ADGRL3: variants seen among roughly 807,000 people sequenced by gnomAD.
The protein encoded by ADGRL3 is calcium-independent alpha-latrotoxin receptor 3.
In ADGRL3, 62 loss-of-function variants were observed where a neutral mutation model predicts 153.5. The observed-to-expected ratio is 0.40, with a 90% CI of 0.33 to 0.50. The LOEUF is 0.50. Among genes scored for constraint, ADGRL3 ranks in the 20% least tolerant of loss-of-function variants. The pLI is 0.47. For missense variants in ADGRL3, 1,641 were observed against 1,859.4 expected (o/e 0.88, Z 2.16); for synonymous variants, 710 against 672.5 (o/e 1.06, Z -0.86).
chr4:61,501,038 C>T (rs2098381593), intron 3 of ADGRL3, among the ~76,000 whole-genome samples: 1 of 152,130 alleles, frequency 6.6e-6, no homozygotes, highest in Non-Finnish European at 1.5e-5. Flanking sequence ...AAACATTGAC[C>T]ATCTGCCTCT....
intron 19 of ADGRL3, among the ~76,000 whole-genome samples, chr4:61,991,492 A>G (rs2099103465): frequency 6.6e-6 from 1 of 152,120 alleles, no homozygotes; most frequent in Admixed American, 6.6e-5. Context: ...ACTCTTTTAA[A>G]AAATATAACA....
At chr4:61,520,637 G>A (rs2098524166) in intron 4 of ADGRL3, among the ~76,000 whole-genome samples, 1 of 63,830 alleles carries the variant, frequency 1.6e-5, no homozygotes. Context: ...TAGATGAGGA[G>A]GCTTCTATAA....
At chr4:61,623,090 C>A (rs1449982149) in intron 5 of ADGRL3, among the ~76,000 whole-genome samples, 1 of 151,984 alleles carries the variant, frequency 6.6e-6, no homozygotes, top group Admixed American at 6.6e-5. Context: ...CCTTTATAAC[C>A]AAGCATTAAT....
chr4:61,336,822 A>G, intron 1 of ADGRL3, among the ~76,000 whole-genome samples: 1 of 150,600 alleles, frequency 6.6e-6, no homozygotes, highest in East Asian at 2.0e-4. Context: ...TGAGCAACAA[A>G]GGCATCCTTT....
At chr4:61,496,882 A>G (rs1319866875) in intron 2 of ADGRL3, among the ~76,000 whole-genome samples, 1 of 151,686 alleles carries the variant, frequency 6.6e-6, no homozygotes, top group Non-Finnish European at 1.5e-5. Flanking sequence ...CGGAGCTTGC[A>G]GTGAGCCGAG....
At chr4:61,402,114 C>T (rs2096936320) in intron 2 of ADGRL3, among the ~76,000 whole-genome samples, 1 of 152,144 alleles carries the variant, frequency 6.6e-6, no homozygotes, top group South Asian at 2.1e-4. Context: ...ATTTCTTCCT[C>T]TTTGACTTTC....
intron 6 of ADGRL3, among the ~76,000 whole-genome samples, chr4:61,699,381 A>G (rs2095706635): frequency 1.3e-5 from 2 of 152,150 alleles, no homozygotes; most frequent in African/African-American, 4.8e-5. Context: ...TTTTTCAGTA[A>G]TTACACATTA....
At chr4:61,924,916 T>G (rs1049519862) in intron 13 of ADGRL3, among the ~76,000 whole-genome samples, 2 of 152,196 alleles carry the variant, frequency 1.3e-5, no homozygotes, top group African/African-American at 4.8e-5. Context: ...GGTTTATTAT[T>G]TGCTTCCCTT....
intron 9 of ADGRL3, among the ~76,000 whole-genome samples, chr4:61,818,205 A>G (rs2097710046): frequency 1.3e-5 from 2 of 152,192 alleles, no homozygotes; most frequent in Non-Finnish European, 2.9e-5. Flanking sequence ...AGATAAGTAC[A>G]GCCATTCCAA....
chr4:61,795,311 T>C (rs1217788534), intron 8 of ADGRL3, among the ~76,000 whole-genome samples: 1 of 152,132 alleles, frequency 6.6e-6, no homozygotes, highest in African/African-American at 2.4e-5. Flanking sequence ...TTTTTGTGTG[T>C]AGAGGCAGGG....
chr4:61,508,992 A>C (rs2098447425), intron 3 of ADGRL3, among the ~76,000 whole-genome samples: 1 of 152,166 alleles, frequency 6.6e-6, no homozygotes, highest in Admixed American at 6.5e-5. Flanking sequence ...CACTATTATA[A>C]GAACAGTGTG....
chr4:61,473,195 C>T (rs1439473184), intron 2 of ADGRL3, among the ~76,000 whole-genome samples: 2 of 91,036 alleles, frequency 2.2e-5, no homozygotes, highest in African/African-American at 7.8e-5. Context: ...AAAAAAACAC[C>T]TATTTGTATG....
At chr4:61,702,059 C>G (rs772604039) in intron 6 of ADGRL3, among the ~76,000 whole-genome samples, 9 of 152,060 alleles carry the variant, frequency 5.9e-5, no homozygotes, top group Non-Finnish European at 1.3e-4. Flanking sequence ...GTTAGAATTA[C>G]TGAGGAAGGG....
intron 9 of ADGRL3, among the ~76,000 whole-genome samples, chr4:61,866,646 A>C (rs752340057): frequency 6.6e-6 from 1 of 152,148 alleles, no homozygotes; most frequent in Non-Finnish European, 1.5e-5. Flanking sequence ...AAATGCCTCT[A>C]AGCTTTCCAA....
chr4:61,329,312 A>G (rs1371887496), intron 1 of ADGRL3, among the ~76,000 whole-genome samples: 1 of 152,198 alleles, frequency 6.6e-6, no homozygotes, highest in East Asian at 1.9e-4. Context: ...CTTCAACAGT[A>G]TTGTATTATT....
In ADGRL3 at chr4:61,755,381, AT is replaced by A. The variant is rs1352129147; in HGVS notation, c.1399+21833del. Among the ~76,000 whole-genome samples, 3 of 152,166 alleles carry A rather than the reference AT, an allele frequency of 2.0e-5. No individual in the cohort carries two copies. The South Asian group carries it at 6.2e-4, about 32-fold the overall frequency. ...TCTCTGATGGCCAGTGATGATGAGC[AT>A]TTTTTCATGTGTCTTTCGGCTACAT... On this transcript the variant is annotated intron_variant, in intron 8 of 26. Coordinates refer to ENST00000683033, the MANE Select transcript of ADGRL3 (RefSeq NM_001387552.1).
intron 1 of ADGRL3, among the ~76,000 whole-genome samples, chr4:61,372,481 A>C (rs1167017710): frequency 2.0e-5 from 3 of 151,970 alleles, no homozygotes; most frequent in Non-Finnish European, 4.4e-5. Context: ...CTGTTGGAGT[A>C]CCCTGCAGTG....
At position 61,675,643 on chromosome 4, in the gene ADGRL3, T is replaced by TTTTATTTATTTATTTATTTATTTA. The variant is rs71213003; in HGVS notation, c.474-1175_474-1152dup. Among the ~76,000 whole-genome samples the TTTTATTTATTTATTTATTTATTTA allele has an allele frequency of 3.6e-3, 502 of 139,788 alleles. 4 individuals carry two copies. Among genetic ancestry groups the TTTTATTTATTTATTTATTTATTTA allele is most frequent in the East Asian group, 5.7e-3 (27 of 4,740 alleles). The allele number at this position is 139,788 out of a possible 152,430, so 91.7% of individuals were successfully genotyped here. On this transcript the variant is annotated intron_variant, in intron 5 of 26. Coordinates refer to ENST00000683033, the MANE Select transcript of ADGRL3 (RefSeq NM_001387552.1). ...TTTTTTTTTCCTATGGCTTAGAAAG[T>TTTTATTTATTTATTTATTTATTTA]TTTATTTATTTATTTATTTATTTAT...
intron 14 of ADGRL3, among the ~76,000 whole-genome samples, chr4:61,935,552 T>G (rs922219266): frequency 6.6e-6 from 1 of 152,170 alleles, no homozygotes; most frequent in Non-Finnish European, 1.5e-5. Flanking sequence ...TGAAATTTAC[T>G]GGGCTTAAAG....
Sources: allele counts gnomAD v4.1 joint callset (sites outside exome capture counted in the v4.1 genomes callset), GRCh38; gene constraint gnomAD v4.1.1; transcripts MANE v1.5; gene names NCBI Gene and HGNC (gene_info 2026-07-23, HGNC 2026-07-21).